DPP6: variants seen among roughly 807,000 people sequenced by gnomAD.
DPP6 encodes dipeptidyl peptidase like 6.
A neutral mutation model predicts 122.6 loss-of-function variants in DPP6; 69 were observed. The ratio of observed to expected loss-of-function variants is 0.56; its 90% CI spans 0.46 to 0.69. DPP6 has a LOEUF of 0.69. Ranked by LOEUF, DPP6 falls within the 30% of genes least tolerant of loss-of-function variation. The probability of loss-of-function intolerance (pLI) is 0.00; values close to 1 mark genes in which losing one functional copy is unlikely to be tolerated. For synonymous variants in DPP6, 418 were observed against 433.1 expected (o/e 0.97, Z 0.43); for missense variants, 928 against 1,116.9 (o/e 0.83, Z 2.41).
intron 1 of DPP6, among the ~76,000 whole-genome samples, chr7:154,307,940 G>T (rs1292324913): frequency 1.3e-5 from 2 of 151,604 alleles, no homozygotes; most frequent in Non-Finnish European, 2.9e-5. Context: ...GAAGCAGGGG[G>T]TCATTAAACT....
intron 1 of DPP6, chr7:153,887,752 G>A (rs1798996874): frequency 1.2e-6 from 2 of 1,612,184 alleles, no homozygotes; most frequent in South Asian, 2.2e-5. Flanking sequence ...CCACGGACAG[G>A]GCGCGCGCTG....
intron 1 of DPP6, chr7:154,058,976 G>C (rs1254395261): frequency 6.8e-6 from 1 of 147,468 alleles, no homozygotes; most frequent in Non-Finnish European, 1.5e-5. Context: ...GCGAGGCAGG[G>C]ACTGAGAGCC....
chr7:154,289,645 A>C (rs1424602860), intron 1 of DPP6, among the ~76,000 whole-genome samples: 2 of 152,222 alleles, frequency 1.3e-5, no homozygotes. Context: ...GTGATTCTGC[A>C]ACTCATAAAT....
At chr7:154,611,670 T>G (rs543067292) in intron 5 of DPP6, among the ~76,000 whole-genome samples, 1 of 152,366 alleles carries the variant, frequency 6.6e-6, no homozygotes, top group East Asian at 1.9e-4. Flanking sequence ...TTTGAAGATA[T>G]AGCTTTGCAT....
chr7:153,923,669 A>G (rs986373548), intron 1 of DPP6, among the ~76,000 whole-genome samples: 22 of 150,790 alleles, frequency 1.5e-4, no homozygotes, highest in Non-Finnish European at 2.5e-4. Flanking sequence ...GCTGAGGCAG[A>G]AGAATGGCGT....
chr7:154,262,255 T>G (rs903578213), intron 1 of DPP6, among the ~76,000 whole-genome samples: 5 of 152,120 alleles, frequency 3.3e-5, no homozygotes, highest in African/African-American at 1.2e-4. Context: ...CAGATTCATA[T>G]GTTGAAGAGC....
intron 1 of DPP6, among the ~76,000 whole-genome samples, chr7:154,424,771 C>T (rs1817754045): frequency 1.3e-5 from 2 of 152,098 alleles, no homozygotes; most frequent in Admixed American, 1.3e-4. Flanking sequence ...TAGAAGTTGC[C>T]ACTTGACAAC....
chr7:154,127,952 A>G (rs1183548074), intron 1 of DPP6, among the ~76,000 whole-genome samples: 8 of 149,814 alleles, frequency 5.3e-5, no homozygotes, highest in Non-Finnish European at 1.0e-4. Context: ...TATTAACACA[A>G]AGATAAGGGG....
the DPP6 span, among the ~76,000 whole-genome samples, chr7:153,759,918 T>TC: frequency 1.4e-5 from 2 of 143,908 alleles, no homozygotes; most frequent in Admixed American, 1.4e-4. Flanking sequence ...TGTTTCTGTC[T>TC]CTCTCTCTCT....
chr7:153,748,342 C>A, the DPP6 span, among the ~76,000 whole-genome samples: 430 of 150,008 alleles, frequency 2.9e-3, 3 homozygotes, highest in Non-Finnish European at 4.8e-3. Flanking sequence ...GGGCGCCAGT[C>A]CCTCCTTAAC....
At chr7:154,722,902 C>T (rs145094579) in intron 7 of DPP6, among the ~76,000 whole-genome samples, 79 of 152,236 alleles carry the variant, frequency 5.2e-4, no homozygotes, top group African/African-American at 1.8e-3. Flanking sequence ...GGGTTAGCAT[C>T]GCAAAACCAC....
At position 154,030,252 on chromosome 7, in the gene DPP6, A is replaced by G. The variant is rs112603172; in HGVS notation, c.51+142518A>G. On this transcript the variant is annotated intron_variant, in intron 1 of 25. Transcript: ENST00000404039. ...CTGGCTATTTCTCTGCCCCTGACCT[A>G]TGTTTTTCTGAAATGTTATAGACAT... Among the ~76,000 whole-genome samples, 1,509 of 152,280 alleles carry G rather than the reference A, an allele frequency of 9.9e-3. 27 individuals are homozygous for G. The highest frequency in any genetic ancestry group is 0.034 in the African/African-American group (1,397 of 41,546).
chr7:154,633,853 G>A (rs1443885811), intron 5 of DPP6, among the ~76,000 whole-genome samples: 2 of 152,062 alleles, frequency 1.3e-5, no homozygotes, highest in Non-Finnish European at 2.9e-5. Flanking sequence ...AGTAGTGCTC[G>A]AGTCACACTT....
intron 3 of DPP6, among the ~76,000 whole-genome samples, chr7:154,479,318 G>C (rs920726251): frequency 6.6e-6 from 1 of 152,154 alleles, no homozygotes; most frequent in African/African-American, 2.4e-5. Flanking sequence ...AGCACTTTGG[G>C]AGGCCAAGGT....
intron 6 of DPP6, among the ~76,000 whole-genome samples, chr7:154,664,741 A>C (rs781031550): frequency 1.0e-3 from 159 of 151,620 alleles, no homozygotes; most frequent in Non-Finnish European, 4.0e-4. Flanking sequence ...ATTTAGGATA[A>C]TTTTTAAAGC....
At chr7:154,475,894 T>C (rs1424959026) in intron 3 of DPP6, 1 of 152,218 alleles carries the variant, frequency 6.6e-6, no homozygotes, top group East Asian at 1.9e-4. Flanking sequence ...ATAAATGAGG[T>C]CCAGAGAGGT....
intron 1 of DPP6, among the ~76,000 whole-genome samples, chr7:153,892,213 C>A (rs1237882019): frequency 6.6e-6 from 1 of 152,224 alleles, no homozygotes; most frequent in Non-Finnish European, 1.5e-5. Context: ...AGCAGAATGG[C>A]ATTCCAGCGA....
At chr7:154,628,814 G>A (rs1835240422) in intron 5 of DPP6, among the ~76,000 whole-genome samples, 2 of 152,268 alleles carry the variant, frequency 1.3e-5, no homozygotes, top group South Asian at 4.2e-4. Context: ...CATGACAGTG[G>A]ATGGAATTAA....
chr7:154,513,130 G>A (rs1172822385), intron 3 of DPP6, among the ~76,000 whole-genome samples: 2 of 152,078 alleles, frequency 1.3e-5, no homozygotes, highest in Non-Finnish European at 2.9e-5. Context: ...AAGCCCTTAA[G>A]TCTACTCAAT....
Sources: gnomAD v4.1 joint callset for allele counts (sites outside exome capture counted in the v4.1 genomes callset) on GRCh38, gnomAD v4.1.1 for gene constraint, MANE v1.5 for transcripts, NCBI Gene and HGNC (gene_info 2026-07-23, HGNC 2026-07-21) for gene names.